Variants in SOX5 observed in about 807,000 individuals in gnomAD.
SOX5 encodes the protein SRY-box transcription factor 5.
A neutral mutation model predicts 92.0 loss-of-function variants in SOX5; 9 were observed. That is an observed-to-expected ratio of 0.10 (90% CI 0.06 to 0.17). SOX5 has a LOEUF of 0.17. SOX5 is among the 10% of genes least tolerant of loss of function. The pLI, the probability that SOX5 is intolerant of heterozygous loss-of-function variation, is 1.00. For missense variants in SOX5, 642 were observed against 944.5 expected, an observed-to-expected ratio of 0.68 and a Z score of 4.20; for synonymous variants, 344 against 336.3, an observed-to-expected ratio of 1.02 and a Z score of -0.25.
At position 24,488,788 on chromosome 12, in the gene SOX5, A is replaced by C. The variant is rs1414599607; in HGVS notation, c.-251+73541T>G. ...CCATCCAGTCTAGATAATCAAAGCC[A>C]GATTGTCTTCTGAAGCATGAAGGTG... On this transcript the variant is annotated intron_variant, in intron 1 of 4. Transcript: ENST00000446891. Among the ~76,000 whole-genome samples, 3 of 152,292 alleles carry C rather than the reference A, an allele frequency of 2.0e-5. No individual in the cohort carries two copies. The East Asian group carries it at 5.8e-4, about 29-fold the overall frequency.
At chr12:24,280,350 G>A (rs560954069) in intron 2 of SOX5, among the ~76,000 whole-genome samples, 6 of 152,132 alleles carry the variant, frequency 3.9e-5, no homozygotes, top group Non-Finnish European at 7.4e-5. Context: ...GAGCACGCAG[G>A]TAGCTTCAAA....
chr12:23,581,111 T>C (rs190119624), intron 9 of SOX5, among the ~76,000 whole-genome samples: 80 of 152,156 alleles, frequency 5.3e-4, no homozygotes, highest in African/African-American at 1.9e-3. Context: ...AAATCAAACA[T>C]AATTTAACAA....
At chr12:24,373,580 C>T (rs1362221461) in intron 1 of SOX5, among the ~76,000 whole-genome samples, 1 of 152,022 alleles carries the variant, frequency 6.6e-6, no homozygotes, top group African/African-American at 2.4e-5. Flanking sequence ...TTTTGGTTGA[C>T]AAATCATAAT....
intron 4 of SOX5, among the ~76,000 whole-genome samples, chr12:24,054,395 C>T (rs1957897187): frequency 6.6e-6 from 1 of 152,168 alleles, no homozygotes; most frequent in Non-Finnish European, 1.5e-5. Flanking sequence ...CATAATCTTA[C>T]CATAGATAGA....
At chr12:24,440,596 GT>G (rs1940352344) in intron 1 of SOX5, among the ~76,000 whole-genome samples, 1 of 21,554 alleles carries the variant, frequency 4.6e-5, no homozygotes, top group South Asian at 1.2e-3. Context: ...ATGATCCTTT[GT>G]GTGTGTGTGT....
At chr12:23,731,220 C>G (rs1052141053) in intron 6 of SOX5, among the ~76,000 whole-genome samples, 1 of 152,154 alleles carries the variant, frequency 6.6e-6, no homozygotes, top group African/African-American at 2.4e-5. Flanking sequence ...CAACAGCTTC[C>G]CTGGTTCTGA....
intron 7 of SOX5, among the ~76,000 whole-genome samples, chr12:23,664,641 A>T (rs1423020275): frequency 6.6e-6 from 1 of 152,158 alleles, no homozygotes; most frequent in Non-Finnish European, 1.5e-5. Context: ...TTTGGGTAAG[A>T]AAGAGAAAAA....
chr12:23,604,182 T>C (rs117217924), intron 9 of SOX5: 7,996 of 541,224 alleles, frequency 0.015, 87 homozygotes, highest in Middle Eastern at 0.02. Context: ...TAGTTATCGA[T>C]ACACGCATAT....
intron 4 of SOX5, among the ~76,000 whole-genome samples, chr12:24,027,007 T>C (rs1008924820): frequency 3.3e-5 from 5 of 152,064 alleles, no homozygotes; most frequent in Admixed American, 2.6e-4. Flanking sequence ...TCAAAATTGT[T>C]TCTGATTTAA....
At chr12:24,202,373 TA>T (rs1195796612) in intron 4 of SOX5, among the ~76,000 whole-genome samples, 3 of 152,212 alleles carry the variant, frequency 2.0e-5, no homozygotes, top group Admixed American at 6.5e-5. Flanking sequence ...ATTTCAGGCT[TA>T]AAAAATGCAA....
intron 2 of SOX5, among the ~76,000 whole-genome samples, chr12:23,893,078 G>T (rs753877157): frequency 6.6e-6 from 1 of 152,190 alleles, no homozygotes; most frequent in Non-Finnish European, 1.5e-5. Flanking sequence ...ATCTATTTCC[G>T]TAGTGTCTAG....
intron 4 of SOX5, among the ~76,000 whole-genome samples, chr12:23,748,925 G>A (rs898844280): frequency 1.1e-4 from 16 of 151,884 alleles, no homozygotes; most frequent in African/African-American, 3.6e-4. Context: ...AATGGTATTT[G>A]CTACCATTAT....
chr12:23,727,723 A>G (rs781579848), intron 6 of SOX5, among the ~76,000 whole-genome samples: 2 of 152,158 alleles, frequency 1.3e-5, no homozygotes, highest in African/African-American at 4.8e-5. Flanking sequence ...TTTAAAGTTG[A>G]TAAGTCAGAA....
intron 1 of SOX5, among the ~76,000 whole-genome samples, chr12:23,940,997 C>T (rs1943529448): frequency 6.6e-6 from 1 of 151,490 alleles, no homozygotes; most frequent in South Asian, 2.1e-4. Context: ...GCACATGCCA[C>T]AGGATTCTGA....
chr12:23,924,508 T>C (rs1490357209), intron 1 of SOX5, among the ~76,000 whole-genome samples: 1 of 152,146 alleles, frequency 6.6e-6, no homozygotes, highest in African/African-American at 2.4e-5. Flanking sequence ...TCCCTTTCTA[T>C]CAGAATGTCC....
At chr12:23,790,548 T>A (rs12825332) in intron 3 of SOX5, among the ~76,000 whole-genome samples, 18,307 of 136,930 alleles carry the variant, frequency 0.13, 1,418 homozygotes, top group South Asian at 0.21. Context: ...TCTCAATCTC[T>A]CACACACACA....
At chr12:24,310,382 G>A (rs1314875473) in intron 2 of SOX5, among the ~76,000 whole-genome samples, 1 of 152,138 alleles carries the variant, frequency 6.6e-6, no homozygotes, top group African/African-American at 2.4e-5. Flanking sequence ...ATTCCAAGAA[G>A]AAGCCCCAAC....
chr12:23,721,460 G>C (rs1003621440), intron 6 of SOX5, among the ~76,000 whole-genome samples: 2 of 151,874 alleles, frequency 1.3e-5, no homozygotes, highest in Non-Finnish European at 2.9e-5. Context: ...GAGGTCAGTA[G>C]CTTATCCGAG....
intron 1 of SOX5, among the ~76,000 whole-genome samples, chr12:24,381,607 GCT>G (rs1957832435): frequency 6.6e-6 from 1 of 152,150 alleles, no homozygotes; most frequent in African/African-American, 2.4e-5. Flanking sequence ...TCCTTAAACA[GCT>G]CTCTCTTATA....
Sources: gnomAD v4.1 joint callset for allele counts (sites outside exome capture counted in the v4.1 genomes callset) on GRCh38, gnomAD v4.1.1 for gene constraint, MANE v1.5 for transcripts, NCBI Gene and HGNC (gene_info 2026-07-23, HGNC 2026-07-21) for gene names.